FTO: variants seen among roughly 807,000 people sequenced by gnomAD.
FTO encodes the protein FTO alpha-ketoglutarate dependent dioxygenase.
FTO carries 47 observed loss-of-function variants against 63.9 expected under a neutral mutation model. The observed-to-expected ratio is 0.74, with a 90% CI of 0.58 to 0.94. The LOEUF is 0.94. FTO is among the 40% of genes least tolerant of loss of function. The pLI, the probability that FTO is intolerant of heterozygous loss-of-function variation, is 0.00. For missense variants in FTO, 562 were observed against 618.1 expected (o/e 0.91, Z 0.96); for synonymous variants, 207 against 224.4 (o/e 0.92, Z 0.69).
intron 1 of FTO, among the ~76,000 whole-genome samples, chr16:53,783,604 T>TATAAGAA (rs397716766): frequency 2.9e-5 from 2 of 68,146 alleles, no homozygotes; most frequent in African/African-American, 1.2e-4. Context: ...CAAGACTCCA[T>TATAAGAA]AAAAAAAAAA....
chr16:53,814,772 T>C (rs757912259), intron 2 of FTO: 2 of 152,332 alleles, frequency 1.3e-5, no homozygotes, highest in Non-Finnish European at 2.9e-5. Context: ...CAGCTACATC[T>C]AACTCAACAT....
intron 3 of FTO, among the ~76,000 whole-genome samples, chr16:53,840,577 C>T (rs2079445897): frequency 6.6e-6 from 1 of 152,184 alleles, no homozygotes. Flanking sequence ...CTTATCTACT[C>T]AACCTTGCTG....
intron 8 of FTO, among the ~76,000 whole-genome samples, chr16:53,975,263 T>C (rs921285644): frequency 2.0e-5 from 3 of 151,972 alleles, no homozygotes; most frequent in African/African-American, 7.2e-5. Flanking sequence ...GTAAGGTTGT[T>C]ATATTCATAA....
intron 1 of FTO, among the ~76,000 whole-genome samples, chr16:53,739,198 AT>A (rs2076465640): frequency 8.3e-6 from 1 of 120,952 alleles, no homozygotes. Context: ...TATTCTTACT[AT>A]TACTATTTAT....
At chr16:54,034,641 C>T (rs1398347607) in intron 8 of FTO, among the ~76,000 whole-genome samples, 1 of 152,062 alleles carries the variant, frequency 6.6e-6, no homozygotes, top group African/African-American at 2.4e-5. Flanking sequence ...GAGCTGTTCT[C>T]CTAGTAGTTT....
At chr16:54,043,409 AAAGAAT>A (rs1170390260) in intron 8 of FTO, among the ~76,000 whole-genome samples, 1 of 20,024 alleles carries the variant, frequency 5.0e-5, no homozygotes, top group Admixed American at 7.3e-4. Flanking sequence ...TTTAGAGACA[AAAGAAT>A]AAAAAGAAAT....
At chr16:54,003,507 TC>T (rs1244481222) in intron 8 of FTO, among the ~76,000 whole-genome samples, 1 of 152,198 alleles carries the variant, frequency 6.6e-6, no homozygotes, top group Non-Finnish European at 1.5e-5. Flanking sequence ...TATAGAGCTT[TC>T]CTTTTTTAAA....
rs569132798 is a variant in FTO at position 54,061,491 on chromosome 16, G to T, written c.1365-50271G>T. 4.0e-4 allele frequency among the ~76,000 whole-genome samples: 61 copies of T among 152,048 alleles called. No individual in the cohort carries two copies. In the South Asian group the frequency reaches 0.01, roughly 25 times the overall value. Reference sequence around the variant, plus strand: ...TGTTTTCTAAATTGCTTTTAGGTTTGTTTTTCCAGTGTCAGAAATCAGATT... The same window carrying T: ...TGTTTTCTAAATTGCTTTTAGGTTTTTTTTTCCAGTGTCAGAAATCAGATT... On this transcript the variant is annotated intron_variant, in intron 8 of 8. Coordinates refer to ENST00000471389, the MANE Select transcript of FTO (RefSeq NM_001080432.3).
At chr16:54,103,595 G>A (rs2086685573) in intron 8 of FTO, among the ~76,000 whole-genome samples, 2 of 152,192 alleles carry the variant, frequency 1.3e-5, no homozygotes, top group South Asian at 4.1e-4. Flanking sequence ...AATTGGTTTG[G>A]TTTAGTGGTT....
chr16:54,065,318 C>A (rs911090418), intron 8 of FTO, among the ~76,000 whole-genome samples: 1 of 151,728 alleles, frequency 6.6e-6, no homozygotes, highest in Non-Finnish European at 1.5e-5. Context: ...CGCACACCAT[C>A]ACACTTAGCT....
intron 7 of FTO, among the ~76,000 whole-genome samples, chr16:53,897,242 T>C (rs1302172648): frequency 6.6e-6 from 1 of 152,164 alleles, no homozygotes; most frequent in African/African-American, 2.4e-5. Flanking sequence ...GAACCACCTG[T>C]GACAGTCTCA....
chr16:54,014,327 A>G (rs1172169258), intron 8 of FTO, among the ~76,000 whole-genome samples: 2 of 152,100 alleles, frequency 1.3e-5, no homozygotes, highest in African/African-American at 4.8e-5. Flanking sequence ...CCTCTGGGTA[A>G]TGAGTGACTT....
chr16:53,991,672 T>C (rs189283468), intron 8 of FTO: 1 of 152,332 alleles, frequency 6.6e-6, no homozygotes, highest in African/African-American at 2.4e-5. Flanking sequence ...GTATGCTTCC[T>C]GGAGGATCAC....
chr16:53,923,328 C>T (rs1044512866), intron 7 of FTO, among the ~76,000 whole-genome samples: 1 of 152,196 alleles, frequency 6.6e-6, no homozygotes, highest in African/African-American at 2.4e-5. Flanking sequence ...TTTGAGATTT[C>T]TTAATGGGCT....
At chr16:53,986,132 A>T (rs1457725606) in intron 8 of FTO, among the ~76,000 whole-genome samples, 3 of 152,202 alleles carry the variant, frequency 2.0e-5, no homozygotes, top group Non-Finnish European at 4.4e-5. Flanking sequence ...AGACTATTCT[A>T]CTTTCGAAAT....
intron 8 of FTO, among the ~76,000 whole-genome samples, chr16:54,022,126 G>GA (rs1274097212): frequency 1.3e-5 from 2 of 151,804 alleles, no homozygotes; most frequent in Non-Finnish European, 1.5e-5. Flanking sequence ...TTTATCGGAA[G>GA]AAAAAAACAA....
chr16:53,860,678 C>A (rs1224338934), intron 4 of FTO, among the ~76,000 whole-genome samples: 3 of 152,118 alleles, frequency 2.0e-5, no homozygotes, highest in African/African-American at 7.2e-5. Context: ...ATGAGAACAG[C>A]ACTGAGAGGA....
intron 8 of FTO, chr16:54,070,395 G>A (rs2085840789): frequency 6.6e-6 from 1 of 152,064 alleles, no homozygotes; most frequent in Non-Finnish European, 1.5e-5. Flanking sequence ...TATGTATCAG[G>A]AGAAAACCTT....
intron 1 of FTO, among the ~76,000 whole-genome samples, chr16:53,808,179 C>G (rs1178673789): frequency 1.3e-5 from 2 of 151,758 alleles, no homozygotes; most frequent in Non-Finnish European, 2.9e-5. Flanking sequence ...AAAAGTAAAA[C>G]AAAACTAGCC....
Sources: gnomAD v4.1 joint callset for allele counts (sites outside exome capture counted in the v4.1 genomes callset) on GRCh38, gnomAD v4.1.1 for gene constraint, MANE v1.5 for transcripts, NCBI Gene and HGNC (gene_info 2026-07-23, HGNC 2026-07-21) for gene names.